The following C2orf76 variants were observed in gnomAD, a reference collection of about 807,000 sequenced individuals.
The protein encoded by C2orf76 is chromosome 2 open reading frame 76.
In C2orf76, 23 loss-of-function variants were observed where a neutral mutation model predicts 16.9. The observed-to-expected ratio is 1.36, with a 90% CI of 0.98 to 1.93. C2orf76 has a LOEUF of 1.93. Ranked by LOEUF, C2orf76 falls within the 30% of genes most tolerant of loss-of-function variation. The pLI is 0.00. For missense variants in C2orf76, 152 were observed against 152.6 expected, an observed-to-expected ratio of 1.00 and a Z score of 0.02; for synonymous variants, 48 against 52.3, an observed-to-expected ratio of 0.92 and a Z score of 0.35.
In C2orf76 at chr2:119,311,649, C is replaced by CA; in HGVS notation, c.276_277insT (p.Asp93Ter). The stretch of plus-strand genomic sequence containing the variant: ...ATTCCAGCTGCTTTCAGAGTGCTGT[C>CA]TTCTTTCAGCAGGAGTCTTTCGTCA... On this transcript the variant is annotated frameshift_variant, in exon 5 of 6. Transcript: ENST00000334816. LOFTEE classifies it high-confidence loss of function. The CA allele has an allele frequency of 6.2e-7, 1 of 1,613,186 alleles. No individual in the cohort carries two copies. The highest frequency in any genetic ancestry group is 8.5e-7 in the Non-Finnish European group (1 of 1,179,902).
chr2:119,305,624 T>G (rs1014970285), intron 5 of C2orf76, among the ~76,000 whole-genome samples: 2 of 151,916 alleles, frequency 1.3e-5, no homozygotes, highest in African/African-American at 4.8e-5. Flanking sequence ...AACTGCACAC[T>G]GTTGACAAAA....
intron 1 of C2orf76, among the ~76,000 whole-genome samples, chr2:119,342,527 A>G (rs1680065764): frequency 6.6e-6 from 1 of 151,798 alleles, no homozygotes; most frequent in African/African-American, 2.4e-5. Flanking sequence ...CAGGAGTATC[A>G]CTTGAACCCA....
the C2orf76 span, among the ~76,000 whole-genome samples, chr2:119,282,345 G>A: frequency 2.6e-5 from 4 of 152,150 alleles, no homozygotes; most frequent in African/African-American, 7.2e-5. Flanking sequence ...TGTTCATGGC[G>A]CTGCCAGGGT....
chr2:119,288,959 G>A, the C2orf76 span, among the ~76,000 whole-genome samples: 1 of 151,934 alleles, frequency 6.6e-6, no homozygotes, highest in Non-Finnish European at 1.5e-5. Context: ...CCTGACTCTC[G>A]AAGGCTTTCA....
At chr2:119,297,539 C>CTA (rs1192854181), downstream of C2orf76, among the ~76,000 whole-genome samples, 1 of 152,194 alleles carries the variant, frequency 6.6e-6, no homozygotes, top group Non-Finnish European at 1.5e-5. Context: ...CAAGGTCTGG[C>CTA]TCTATAGCCC....
downstream of C2orf76, among the ~76,000 whole-genome samples, chr2:119,300,694 C>T (rs1279215059): frequency 6.6e-6 from 1 of 152,200 alleles, no homozygotes. Context: ...CTTACATATG[C>T]TCAGAACATT....
chr2:119,363,612 G>T (rs188993336), intron 1 of C2orf76, among the ~76,000 whole-genome samples: 1 of 152,206 alleles, frequency 6.6e-6, no homozygotes, highest in East Asian at 1.9e-4. Context: ...TCCTGAAATC[G>T]TAGTTCATTT....
chr2:119,366,148 A>G (rs1680973629), intron 1 of C2orf76, among the ~76,000 whole-genome samples: 1 of 152,192 alleles, frequency 6.6e-6, no homozygotes, highest in African/African-American at 2.4e-5. Flanking sequence ...AACTTATTGT[A>G]TAAACTACTG....
At chr2:119,350,992 A>C (rs1680384788) in intron 1 of C2orf76, among the ~76,000 whole-genome samples, 1 of 152,180 alleles carries the variant, frequency 6.6e-6, no homozygotes, top group African/African-American at 2.4e-5. Flanking sequence ...AAAAAACATC[A>C]CTACAGTTGA....
chr2:119,350,978 CA>C (rs1482661644), intron 1 of C2orf76, among the ~76,000 whole-genome samples: 2 of 150,468 alleles, frequency 1.3e-5, no homozygotes, highest in African/African-American at 2.4e-5. Flanking sequence ...TCTGTCAGCT[CA>C]AAAAAAAACA....
chr2:119,301,535 C>T (rs1328028335), downstream of C2orf76, among the ~76,000 whole-genome samples: 1 of 152,016 alleles, frequency 6.6e-6, no homozygotes, highest in Non-Finnish European at 1.5e-5. Context: ...CTAAGCTCTC[C>T]GGCACTCAGG....
chr2:119,285,121 C>T, the C2orf76 span, among the ~76,000 whole-genome samples: 1 of 152,194 alleles, frequency 6.6e-6, no homozygotes, highest in Non-Finnish European at 1.5e-5. Context: ...AATGTATTTA[C>T]ATATTCTTAT....
At chr2:119,349,828 C>T (rs1232661545) in intron 1 of C2orf76, among the ~76,000 whole-genome samples, 2 of 152,122 alleles carry the variant, frequency 1.3e-5, no homozygotes, top group Non-Finnish European at 2.9e-5. Context: ...AGAGGTCTGG[C>T]CCACAAGCTC....
chr2:119,318,333 C>T (rs1408361626), intron 3 of C2orf76, among the ~76,000 whole-genome samples: 1 of 152,100 alleles, frequency 6.6e-6, no homozygotes, highest in Non-Finnish European at 1.5e-5. Flanking sequence ...AACTCCCAAA[C>T]TTAAACTAAA....
At chr2:119,336,763 T>C (rs1679859021) in intron 2 of C2orf76, among the ~76,000 whole-genome samples, 1 of 152,134 alleles carries the variant, frequency 6.6e-6, no homozygotes, top group Non-Finnish European at 1.5e-5. Context: ...CAATGCCCAT[T>C]TCTGTATCTG....
the C2orf76 span, among the ~76,000 whole-genome samples, chr2:119,285,910 C>T: frequency 3.7e-4 from 57 of 152,150 alleles, no homozygotes; most frequent in African/African-American, 1.3e-3. Context: ...AGAGCCACAT[C>T]GTTTGGGGAA....
chr2:119,317,577 A>G, intron 3 of C2orf76, 74 bp from the exon 4 acceptor site: 1 of 1,240,424 alleles, frequency 8.1e-7, no homozygotes, highest in Non-Finnish European at 1.2e-6. Context: ...AAATGGGTGG[A>G]GGGTGGCTAC....
intron 3 of C2orf76, among the ~76,000 whole-genome samples, chr2:119,319,046 G>A (rs1421122604): frequency 3.3e-5 from 5 of 151,860 alleles, no homozygotes; most frequent in Admixed American, 2.6e-4. Context: ...CTATAGATAT[G>A]TTTATTATTT....
intron 1 of C2orf76, among the ~76,000 whole-genome samples, chr2:119,360,695 A>G (rs1466174644): frequency 1.3e-5 from 2 of 152,202 alleles, no homozygotes; most frequent in East Asian, 3.8e-4. Flanking sequence ...AGTGATTGGC[A>G]GCAGCTTAAT....
Sources: gnomAD v4.1 joint callset for allele counts (sites outside exome capture counted in the v4.1 genomes callset) on GRCh38, gnomAD v4.1.1 for gene constraint, MANE v1.5 for transcripts, NCBI Gene and HGNC (gene_info 2026-07-23, HGNC 2026-07-21) for gene names.